The following PHACTR2 variants were observed in gnomAD, a reference collection of about 807,000 sequenced individuals.
The protein encoded by PHACTR2 is phosphatase and actin regulator 2.
A neutral mutation model predicts 76.0 loss-of-function variants in PHACTR2; 30 were observed. The ratio of observed to expected loss-of-function variants is 0.39; its 90% CI spans 0.30 to 0.54. PHACTR2 has a LOEUF of 0.54. Ranked by LOEUF, PHACTR2 falls within the 20% of genes least tolerant of loss-of-function variation. PHACTR2 has a pLI of 0.61. For synonymous variants in PHACTR2, 292 were observed against 292.5 expected (o/e 1.00, Z 0.02); for missense variants, 696 against 781.1 (o/e 0.89, Z 1.30).
At chr6:143,668,203 C>A (rs1014175796) in intron 1 of PHACTR2, among the ~76,000 whole-genome samples, 1 of 152,166 alleles carries the variant, frequency 6.6e-6, no homozygotes, top group Non-Finnish European at 1.5e-5. Context: ...GTTGAACCAG[C>A]CTTGCATCCC....
Position 143,678,103 on chromosome 6 carries a change from C to A in PHACTR2, c.-61C>A. 1 of 1,545,098 alleles carries A rather than the reference C, an allele frequency of 6.5e-7. No individual in the cohort carries two copies. The highest frequency in any genetic ancestry group is 8.7e-7 in the Non-Finnish European group (1 of 1,144,570). ...GCCTGGAAGTCTGGCTGGGAGCGGA[C>A]CCATGATCGAAGGACCAAAGGAGCC... On this transcript the variant is annotated 5_prime_UTR_variant, in exon 1 of 13. Transcript: ENST00000440869. The surrounding 1 kb of genome is among the most constrained non-coding windows in gnomAD (Gnocchi z 6.2).
Position 143,823,841 on chromosome 6 carries a change from C to T in PHACTR2, c.*152C>T, listed in dbSNP as rs1296799410. ...TGTGACTCAGCTTGGCTGGGAAGTG[C>T]TCCTCACCTGTGTGGCCCAGATGGC... On this transcript the variant is annotated 3_prime_UTR_variant, in exon 13 of 13. Transcript: ENST00000440869. This position sits in a 1 kb window ranked among gnomAD's most constrained non-coding sequence, Gnocchi z 5.7. 4 of 682,224 alleles carry T rather than the reference C, an allele frequency of 5.9e-6. No individual in the cohort carries two copies. The highest frequency in any genetic ancestry group is 4.1e-5 in the Admixed American group (2 of 49,354). 42.3% of individuals were successfully genotyped at this position (682,224 alleles called of 1,614,324 possible).
chr6:143,631,887 T>C (rs1164632705), intron 1 of PHACTR2, among the ~76,000 whole-genome samples: 2 of 152,232 alleles, frequency 1.3e-5, no homozygotes, highest in Non-Finnish European at 2.9e-5. Context: ...AGTCCCTTTT[T>C]TGATCAAATT....
rs1012126599 is a variant in PHACTR2 at position 143,539,448 on chromosome 6, G to C, written c.217+2241G>C. On this transcript the variant is annotated intron_variant, in intron 1 of 11. Coordinates refer to the PHACTR2 transcript ENST00000367584. The surrounding 1 kb of genome is among the most constrained non-coding windows in gnomAD (Gnocchi z 4.3). Reference sequence around the variant, plus strand: ...TGAGCAGGTCCTTCACTGACACACAGAGTATTTCTCCAGCATGCCCCACAG... The same window carrying C: ...TGAGCAGGTCCTTCACTGACACACACAGTATTTCTCCAGCATGCCCCACAG... Among the ~76,000 whole-genome samples, 5 of 152,214 alleles carry C rather than the reference G, an allele frequency of 3.3e-5. No individual in the cohort carries two copies. Among genetic ancestry groups the C allele is most frequent in the Admixed American group, 1.3e-4 (2 of 15,290 alleles).
rs987256541 is a variant in PHACTR2, at chr6:143,639,498, A to G, written c.13+31176A>G. On this transcript the variant is annotated intron_variant, in intron 1 of 11. Transcript: ENST00000305766. The surrounding 1 kb of genome is among the most constrained non-coding windows in gnomAD (Gnocchi z 5.0). ...TGTTTTCTGCTTATGTAGATCACCT[A>G]TTTTTACTTTTGGCATCTAGATGAC... Among the ~76,000 whole-genome samples, 8 of 152,114 alleles carry G rather than the reference A, an allele frequency of 5.3e-5. No individual in the cohort carries two copies. The highest frequency in any genetic ancestry group is 9.7e-5 in the African/African-American group (4 of 41,426).
rs1370851354 is a variant in PHACTR2, at chr6:143,816,552, G to A, written c.1923-7122G>A. Among the ~76,000 whole-genome samples, 9 of 151,912 alleles carry A rather than the reference G, an allele frequency of 5.9e-5. 3 individuals carry two copies. Among genetic ancestry groups the A allele is most frequent in the Admixed American group, 5.9e-4 (9 of 15,238 alleles). ...TGGCTTTGTGAGCATATTATTGCACGCACGGTATCAATTGGTCACCTTCTT... is the reference window on the plus strand; with the variant it reads ...TGGCTTTGTGAGCATATTATTGCACACACGGTATCAATTGGTCACCTTCTT... On this transcript the variant is annotated intron_variant, in intron 12 of 12. Transcript: ENST00000440869. The surrounding 1 kb of genome is among the most constrained non-coding windows in gnomAD (Gnocchi z 4.5).
chr6:143,730,752 GTGTT>G lies in PHACTR2; in HGVS notation c.215-18222_215-18219del, dbSNP rs565648877. ...GATGTTGGTGTAAGATTTTTTGTGT[GTGTT>G]TGTTTGTTTGAGACGGAGTCTTGCT... On this transcript the variant is annotated intron_variant, in intron 2 of 12. Transcript: ENST00000440869. The surrounding 1 kb of genome is among the most constrained non-coding windows in gnomAD (Gnocchi z 4.8). 6.6e-6 allele frequency among the ~76,000 whole-genome samples: 1 copy of G among 152,086 alleles called. No individual in the cohort carries two copies. Among genetic ancestry groups the G allele is most frequent in the African/African-American group, 2.4e-5 (1 of 41,432 alleles).
At position 143,641,099 on chromosome 6, in the gene PHACTR2, G is replaced by A. The variant is rs1482307757; in HGVS notation, c.13+32777G>A. 6.6e-6 allele frequency among the ~76,000 whole-genome samples: 1 copy of A among 152,152 alleles called. No homozygotes were observed. Among genetic ancestry groups the A allele is most frequent in the Non-Finnish European group, 1.5e-5 (1 of 68,030 alleles). ...GCTGAGGGCATTCTTCATGACTCAG[G>A]GAGGCAGGTGTCACATGGCAGAAGG... On this transcript the variant is annotated intron_variant, in intron 1 of 11. Coordinates refer to the PHACTR2 transcript ENST00000305766. The surrounding 1 kb of genome is among the most constrained non-coding windows in gnomAD (Gnocchi z 5.8).
chr6:143,643,481 G>C (rs1230908793), intron 1 of PHACTR2, among the ~76,000 whole-genome samples: 1 of 152,130 alleles, frequency 6.6e-6, no homozygotes, highest in Non-Finnish European at 1.5e-5. Context: ...GTGAAGTCAA[G>C]TCACTGGTTA....
intron 1 of PHACTR2, among the ~76,000 whole-genome samples, chr6:143,569,867 A>T (rs1352673839): frequency 6.6e-6 from 1 of 152,244 alleles, no homozygotes; most frequent in African/African-American, 2.4e-5. Context: ...AATGCTATTC[A>T]AATGACTGAA....
In PHACTR2 at chr6:143,760,484, C is replaced by T; in HGVS notation, c.538C>T (p.Pro180Ser). The change falls in exon 5 of 13, where the codon CCC (proline) becomes TCC (serine). Residue 180 changes from proline (P) to serine (S), a missense_variant. By Grantham distance (74) the Pro-to-Ser change is moderately conservative. Transcript: ENST00000440869. This position sits in a 1 kb window ranked among gnomAD's most constrained non-coding sequence, Gnocchi z 6.4. ...TCCTAAGCCTAGACCCAAACCTAAA[C>T]CCAAAAAATCACCTGTGCCTCCGAA... ...APPKPRPKPK[P>S]KKSPVPPKGA... 4 of 1,613,892 alleles carry T rather than the reference C, an allele frequency of 2.5e-6. No homozygotes were observed. The highest frequency in any genetic ancestry group is 2.5e-6 in the Non-Finnish European group (3 of 1,179,836).
chr6:143,799,373 G>A (rs1775904159), intron 11 of PHACTR2, among the ~76,000 whole-genome samples: 1 of 152,110 alleles, frequency 6.6e-6, no homozygotes, highest in African/African-American at 2.4e-5. Flanking sequence ...GGTTTTTTGT[G>A]TCTCTATCTT....
At position 143,680,774 on chromosome 6, in the gene PHACTR2, G is replaced by T. The variant is rs1327294561; in HGVS notation, c.46+2565G>T. 6.6e-6 allele frequency among the ~76,000 whole-genome samples: 1 copy of T among 150,984 alleles called. No homozygotes were observed. Among genetic ancestry groups the T allele is most frequent in the Admixed American group, 6.6e-5 (1 of 15,160 alleles). On this transcript the variant is annotated intron_variant, in intron 1 of 12. Transcript: ENST00000440869. The surrounding 1 kb of genome is among the most constrained non-coding windows in gnomAD (Gnocchi z 4.5). The stretch of plus-strand genomic sequence containing the variant: ...CTGTTCCCACCCTATTCAACCAGTG[G>T]GCTCTACCTTAATGAAACACTAATC...
Position 143,556,564 on chromosome 6 carries a change from G to A in PHACTR2, c.217+19357G>A, listed in dbSNP as rs1775177674. 6.6e-6 allele frequency among the ~76,000 whole-genome samples: 1 copy of A among 152,228 alleles called. No homozygotes were observed. On this transcript the variant is annotated intron_variant, in intron 1 of 11. Coordinates refer to the PHACTR2 transcript ENST00000367584. This position sits in a 1 kb window ranked among gnomAD's most constrained non-coding sequence, Gnocchi z 4.3. Reference sequence around the variant, plus strand: ...AAAATATTTTGAGAAAAGTTGACTAGCTCCTCTGCAGTGACAGCATTCAAA... The same window carrying A: ...AAAATATTTTGAGAAAAGTTGACTAACTCCTCTGCAGTGACAGCATTCAAA...
In PHACTR2 at chr6:143,774,890, C is replaced by T. The variant is rs1775237802; in HGVS notation, c.1589+675C>T. ...CTGGTGACTTTACAAGTCCCTTTAACTGGCAGTTTTAATAGAAGTGAGCAT... is the reference window on the plus strand; with the variant it reads ...CTGGTGACTTTACAAGTCCCTTTAATTGGCAGTTTTAATAGAAGTGAGCAT... On this transcript the variant is annotated intron_variant, in intron 8 of 12. Transcript: ENST00000440869. The surrounding 1 kb of genome is among the most constrained non-coding windows in gnomAD (Gnocchi z 5.4). Among the ~76,000 whole-genome samples the T allele has an allele frequency of 6.6e-6, 1 of 152,214 alleles. No homozygotes were observed. The highest frequency in any genetic ancestry group is 1.5e-5 in the Non-Finnish European group (1 of 68,046).
Position 143,596,412 on chromosome 6 carries a change from C to T in PHACTR2, c.217+59205C>T, listed in dbSNP as rs1013273217. Among the ~76,000 whole-genome samples, 9 of 152,148 alleles carry T rather than the reference C, an allele frequency of 5.9e-5. No homozygotes were observed. The highest frequency in any genetic ancestry group is 1.2e-4 in the Non-Finnish European group (8 of 68,030). ...CTGCATTAAGAGAGAGACACTCTTA[C>T]TTATATTTGTATCCCCAGATTGTTA... On this transcript the variant is annotated intron_variant, in intron 1 of 11. Transcript: ENST00000367584. This position sits in a 1 kb window ranked among gnomAD's most constrained non-coding sequence, Gnocchi z 4.6.
chr6:143,766,156 C>A (rs1287717126), intron 6 of PHACTR2, among the ~76,000 whole-genome samples: 1 of 152,234 alleles, frequency 6.6e-6, no homozygotes, highest in African/African-American at 2.4e-5. Context: ...CAGCAAGTTA[C>A]TGAGCCTTCC....
At position 143,678,117 on chromosome 6, in the gene PHACTR2, A is replaced by G; in HGVS notation, c.-47A>G. 3.2e-6 allele frequency: 5 copies of G among 1,545,736 alleles called. No homozygotes were observed. The highest frequency in any genetic ancestry group is 4.4e-6 in the Non-Finnish European group (5 of 1,144,884). On this transcript the variant is annotated 5_prime_UTR_variant, in exon 1 of 13. Transcript: ENST00000440869. This position sits in a 1 kb window ranked among gnomAD's most constrained non-coding sequence, Gnocchi z 6.2. Reference sequence around the variant, plus strand: ...CTGGGAGCGGACCCATGATCGAAGGACCAAAGGAGCCGCTTGATCGCTGGA... The same window carrying G: ...CTGGGAGCGGACCCATGATCGAAGGGCCAAAGGAGCCGCTTGATCGCTGGA...
upstream of PHACTR2, among the ~76,000 whole-genome samples, chr6:143,673,389 T>A (rs187862774): frequency 7.4e-4 from 113 of 152,284 alleles, no homozygotes; most frequent in African/African-American, 2.4e-3. Flanking sequence ...TGCTTATTTT[T>A]AATTTATCAT....
Sources: allele counts gnomAD v4.1 joint callset (sites outside exome capture counted in the v4.1 genomes callset), GRCh38; gene constraint gnomAD v4.1.1; non-coding constraint Gnocchi (gnomAD v3.1); transcripts MANE v1.5; gene names NCBI Gene and HGNC (gene_info 2026-07-23, HGNC 2026-07-21).